The following FANCI variants were observed in gnomAD, a reference collection of about 807,000 sequenced individuals.
FANCI encodes the protein Fanconi anemia group I protein.
Under a neutral mutation model 176.1 loss-of-function variants are expected in FANCI, and 156 were observed. The observed-to-expected ratio is 0.89, with a 90% confidence interval of 0.78 to 1.01. The LOEUF (loss-of-function observed/expected upper bound fraction) is 1.01, where lower values mean the gene tolerates loss of function less well. FANCI is among the 50% of genes least tolerant of loss of function. The pLI, the probability that FANCI is intolerant of heterozygous loss-of-function variation, is 0.00. For missense variants in FANCI, 1,678 were observed against 1,534.1 expected (o/e 1.09, Z -1.57); for synonymous variants, 613 against 541.7 (o/e 1.13, Z -1.83).
intron 36 of FANCI, 98 bp downstream of exon 36, chr15:89,314,805 T>G: frequency 2.5e-6 from 2 of 785,498 alleles, no homozygotes. Flanking sequence ...AAAGAGACTC[T>G]GGGCCATTTG....
chr15:89,250,012 A>G (rs553295295), intron 2 of FANCI, among the ~76,000 whole-genome samples: 1 of 152,242 alleles, frequency 6.6e-6, no homozygotes, highest in African/African-American at 2.4e-5. Flanking sequence ...ATTACAAACT[A>G]TTCTCTGTGA....
intron 30 of FANCI, 54 bp from the exon 31 acceptor site, chr15:89,305,550 AT>A: frequency 2.5e-6 from 4 of 1,605,182 alleles, no homozygotes; most frequent in Non-Finnish European, 3.4e-6. Context: ...CACAGTTATT[AT>A]ATTACCCCCA....
chr15:89,246,389 C>A (rs193028323), intron 1 of FANCI, among the ~76,000 whole-genome samples: 76 of 152,358 alleles, frequency 5.0e-4, no homozygotes, highest in Admixed American at 1.3e-3. Flanking sequence ...CAAACACTTG[C>A]AATCTTGTGA....
intron 15 of FANCI, 39 bp downstream of exon 15, chr15:89,281,339 G>A (rs753864276): frequency 1.2e-6 from 2 of 1,611,348 alleles, no homozygotes; most frequent in South Asian, 2.2e-5. Context: ...CCAAAACTGA[G>A]GTTTAACTGT....
At chr15:89,257,294 A>C (rs181557732) in intron 2 of FANCI, among the ~76,000 whole-genome samples, 145 of 152,278 alleles carry the variant, frequency 9.5e-4, no homozygotes, top group African/African-American at 3.1e-3. Context: ...TCTTAGATCT[A>C]TCTACTTTTC....
intron 34 of FANCI, 134 bp from the exon 35 acceptor site, chr15:89,312,770 C>T (rs1282078342): frequency 1.5e-6 from 1 of 687,740 alleles, no homozygotes; most frequent in Non-Finnish European, 2.5e-6. Context: ...AGTGGGTCGA[C>T]ATCACGCCAC....
At chr15:89,309,023 C>G (rs2054845750) in intron 34 of FANCI, among the ~76,000 whole-genome samples, 1 of 151,496 alleles carries the variant, frequency 6.6e-6, no homozygotes, top group African/African-American at 2.4e-5. Flanking sequence ...TAGTAATGGG[C>G]TGATAGTTGA....
At chr15:89,260,598 A>G (rs2052672663) in intron 3 of FANCI, 115 bp from the exon 4 acceptor site, 1 of 1,353,138 alleles carries the variant, frequency 7.4e-7, no homozygotes, top group Non-Finnish European at 1.0e-6. Flanking sequence ...CACCGTAGTA[A>G]TCAGTCGTTT....
Position 89,261,726 on chromosome 15 carries a change from C to G in FANCI, c.430C>G (p.Leu144Val). The G allele has an allele frequency of 1.2e-6, 2 of 1,614,094 alleles. No homozygotes were observed. Among genetic ancestry groups the G allele is most frequent in the East Asian group, 2.2e-5 (1 of 44,870 alleles). Residue 144 changes from leucine to valine, a missense_variant, in exon 5 of 38, where the codon CTG becomes GTG. Leu to Val is a conservative substitution (Grantham distance 32). Coordinates refer to ENST00000310775, the MANE Select transcript of FANCI (RefSeq NM_001113378.2). ...TGCCCTGGCTACGAAAAAGGAAAATCTGGCTTATGGAAAAGGTAATTTTCT... is the reference window on the plus strand; with the variant it reads ...TGCCCTGGCTACGAAAAAGGAAAATGTGGCTTATGGAAAAGGTAATTTTCT... ...LTALATKKENLAYGKGVLSGE... is the reference protein window; with the variant it reads ...LTALATKKENVAYGKGVLSGE...
At chr15:89,269,451 A>G (rs530950000) in intron 10 of FANCI, among the ~76,000 whole-genome samples, 21 of 150,056 alleles carry the variant, frequency 1.4e-4, no homozygotes, top group African/African-American at 4.2e-4. Flanking sequence ...CATGCATTGC[A>G]TTTGGTTGTT....
chr15:89,305,026 T>A, intron 28 of FANCI, 89 bp from the exon 29 acceptor site: 1 of 1,514,620 alleles, frequency 6.6e-7, no homozygotes, highest in South Asian at 1.1e-5. Context: ...TCCACCCGCC[T>A]TGGCCTCCCA....
intron 12 of FANCI, among the ~76,000 whole-genome samples, chr15:89,276,294 G>C (rs565344109): frequency 6.6e-6 from 1 of 152,150 alleles, no homozygotes; most frequent in African/African-American, 2.4e-5. Flanking sequence ...TAAGCAATGT[G>C]GGTAAAAATA....
Position 89,306,034 on chromosome 15 carries a change from C to G in FANCI, c.3377C>G (p.Pro1126Arg), listed in dbSNP as rs78234788. The change falls in exon 32 of 38, where the codon CCA becomes CGA. Residue 1126 changes from proline to arginine, a missense_variant. Coordinates refer to ENST00000310775, the MANE Select transcript of FANCI (RefSeq NM_001113378.2). ...SEEASSQATL[P>R]NQPVEKAIIM... The stretch of plus-strand genomic sequence containing the variant: ...GAGGCCTCTTCTCAGGCAACCCTAC[C>G]AAATCAGCCTGTTGAGAAAGCTATC... 1.2e-6 allele frequency: 2 copies of G among 1,614,002 alleles called. No homozygotes were observed. Among genetic ancestry groups the G allele is most frequent in the East Asian group, 2.2e-5 (1 of 44,896 alleles).
At chr15:89,273,159 T>A (rs1292036618) in intron 10 of FANCI, among the ~76,000 whole-genome samples, 2 of 151,610 alleles carry the variant, frequency 1.3e-5, no homozygotes, top group Admixed American at 6.6e-5. Flanking sequence ...AATTAAAAAT[T>A]AAAAAATTAG....
chr15:89,305,776 G>A (rs2054695573), intron 31 of FANCI, 78 bp downstream of exon 31: 1 of 1,442,768 alleles, frequency 6.9e-7, no homozygotes, highest in Non-Finnish European at 9.7e-7. Flanking sequence ...GCATAAAAAT[G>A]GAGCCCCTGA....
rs1441106185 is a variant in FANCI at position 89,247,715 on chromosome 15, C to G, written c.68C>G (p.Thr23Ser). The change falls in exon 2 of 38, where the codon ACC becomes AGC. Residue 23 changes from threonine to serine, a missense_variant. Thr to Ser is a moderately conservative substitution (Grantham distance 58). Coordinates refer to ENST00000310775, the MANE Select transcript of FANCI (RefSeq NM_001113378.2). The stretch of plus-strand genomic sequence containing the variant: ...GACAAACTGCAAGAATTTCTTCAAA[C>G]CCTGAGAGAAGGTGATGTGAGTATT... The part of the protein sequence containing the change: ...TADKLQEFLQ[T>S]LREGDLTNLL... 2 of 1,613,742 alleles carry G rather than the reference C, an allele frequency of 1.2e-6. No individual in the cohort carries two copies. The highest frequency in any genetic ancestry group is 3.3e-5 in the Admixed American group (2 of 60,002).
Position 89,261,884 on chromosome 15 carries a change from T to A in FANCI, c.503+6T>A, listed in dbSNP as rs1323152449. On this transcript the variant is annotated splice_donor_region_variant and intron_variant, in intron 6 of 37. Transcript: ENST00000310775. ...AACACCCTGTGTTCTGGCAGGTGAG[T>A]CTTGTTAATATGTATAACTTTCTTA... The A allele has an allele frequency of 3.1e-6, 5 of 1,613,656 alleles. No homozygotes were observed. Among genetic ancestry groups the A allele is most frequent in the Admixed American group, 3.3e-5 (2 of 59,984 alleles).
rs767428983 is a variant in FANCI at position 89,303,964 on chromosome 15, C to T, written c.3058+49C>T. The T allele has an allele frequency of 3.9e-6, 6 of 1,543,954 alleles. No individual in the cohort carries two copies. In the African/African-American group the frequency reaches 6.8e-5, roughly 17 times the overall value. On this transcript the variant is annotated intron_variant, in intron 28 of 37. Coordinates refer to ENST00000310775, the MANE Select transcript of FANCI (RefSeq NM_001113378.2). Reference sequence around the variant, plus strand: ...TAAAGGCTTTATATAAAATCACTATCCTCCAGTGGCATTTGGAAAAGAAAA... The same window carrying T: ...TAAAGGCTTTATATAAAATCACTATTCTCCAGTGGCATTTGGAAAAGAAAA...
chr15:89,253,162 G>C (rs1490495827), intron 2 of FANCI, among the ~76,000 whole-genome samples: 1 of 152,046 alleles, frequency 6.6e-6, no homozygotes, highest in Non-Finnish European at 1.5e-5. Flanking sequence ...TCTCAAAATA[G>C]ACCCAACTAC....
Sources: gnomAD v4.1 joint callset for allele counts (sites outside exome capture counted in the v4.1 genomes callset) on GRCh38, gnomAD v4.1.1 for gene constraint, MANE v1.5 for transcripts, NCBI Gene and HGNC (gene_info 2026-07-23, HGNC 2026-07-21) for gene names.